The following SYCE2 variants were observed in gnomAD, a reference collection of about 807,000 sequenced individuals.
The protein encoded by SYCE2 is central element synaptonemal complex 1.
Under a neutral mutation model 27.9 loss-of-function variants are expected in SYCE2, and 3 were observed. The ratio of observed to expected loss-of-function variants is 0.11; its 90% CI spans 0.05 to 0.28. SYCE2 has a LOEUF of 0.28. Among genes scored for constraint, SYCE2 ranks in the 10% least tolerant of loss-of-function variants. The probability of loss-of-function intolerance (pLI) is 1.00; values close to 1 mark genes in which losing one functional copy is unlikely to be tolerated. For missense variants in SYCE2, 207 were observed against 263.5 expected, an observed-to-expected ratio of 0.79 and a Z score of 1.48; for synonymous variants, 85 against 100.7, an observed-to-expected ratio of 0.84 and a Z score of 0.93.
Position 12,904,580 on chromosome 19 carries a change from C to T in SYCE2, c.218G>A (p.Arg73Lys). The T allele has an allele frequency of 6.2e-7, 1 of 1,614,084 alleles. No individual in the cohort carries two copies. The highest frequency in any genetic ancestry group is 8.5e-7 in the Non-Finnish European group (1 of 1,180,028). ...LDSSIDILQK[R>K]AQELIENINK... is the part of the protein sequence containing the mutation. ...GATGTTTTCGATCAGCTCCTGGGCT[C>T]TCTTCTGCAGGATGTCAATGCTTGA... Residue 73 changes from arginine (R) to lysine (K), a missense_variant, in exon 3 of 6, where the codon AGA (arginine) becomes AAA (lysine). By Grantham distance (26) the Arg-to-Lys change is conservative. Transcript: ENST00000293695.
chr19:12,911,636 T>TTA (rs1555754622), intron 2 of SYCE2, among the ~76,000 whole-genome samples: 1 of 148,710 alleles, frequency 6.7e-6, no homozygotes, highest in Non-Finnish European at 1.5e-5. Context: ...TTTTTTTTTT[T>TTA]AGACGAGGTC....
At chr19:12,908,059 C>T (rs148083290) in intron 2 of SYCE2, among the ~76,000 whole-genome samples, 32 of 151,888 alleles carry the variant, frequency 2.1e-4, no homozygotes, top group Non-Finnish European at 2.9e-4. Flanking sequence ...CTGCAGTAAG[C>T]TTGATCATGC....
intron 2 of SYCE2, 55 bp downstream of exon 2, chr19:12,918,167 G>C: frequency 6.9e-7 from 1 of 1,442,194 alleles, no homozygotes; most frequent in Non-Finnish European, 9.8e-7. Context: ...AGAAAAGGGT[G>C]AATGAGAGGG....
chr19:12,909,919 T>G (rs772131884), intron 2 of SYCE2, among the ~76,000 whole-genome samples: 1 of 151,688 alleles, frequency 6.6e-6, no homozygotes, highest in Non-Finnish European at 1.5e-5. Flanking sequence ...CAAGCTAGAG[T>G]GCAGTGGAGC....
intron 2 of SYCE2, among the ~76,000 whole-genome samples, chr19:12,916,324 C>T (rs2145983121): frequency 6.6e-6 from 1 of 152,224 alleles, no homozygotes; most frequent in South Asian, 2.1e-4. Flanking sequence ...CTGCCTCGGC[C>T]TCCCAAAGTC....
In SYCE2 at chr19:12,899,993, C is replaced by G. The variant is rs1970801398; in HGVS notation, c.612+11G>C. On this transcript the variant is annotated intron_variant, in intron 5 of 5. Coordinates refer to ENST00000293695, the MANE Select transcript of SYCE2 (RefSeq NM_001105578.2). ...GACCCCAAGGTGTCAGGCCGGTTTA[C>G]TGGTAACCACCTGAGAAGTAGTTTC... The G allele has an allele frequency of 1.9e-6, 3 of 1,612,482 alleles. No individual in the cohort carries two copies. Among genetic ancestry groups the G allele is most frequent in the Non-Finnish European group, 1.7e-6 (2 of 1,179,698 alleles).
intron 3 of SYCE2, among the ~76,000 whole-genome samples, chr19:12,903,501 C>CT (rs1286312893): frequency 1.3e-5 from 2 of 151,690 alleles, no homozygotes; most frequent in Non-Finnish European, 2.9e-5. Flanking sequence ...GCAATTCTGT[C>CT]TCATCCTCCC....
intron 2 of SYCE2, among the ~76,000 whole-genome samples, chr19:12,917,904 C>A (rs1043586579): frequency 1.3e-5 from 2 of 152,048 alleles, no homozygotes; most frequent in Admixed American, 1.3e-4. Flanking sequence ...GGTGATCCAC[C>A]CGCCTTGGCC....
chr19:12,918,087 G>A (rs1270139163), intron 2 of SYCE2, 135 bp downstream of exon 2: 13 of 685,132 alleles, frequency 1.9e-5, no homozygotes, highest in African/African-American at 3.6e-5. Context: ...ATGCCACTGC[G>A]TGGTGACAAA....
chr19:12,913,143 G>A (rs902673222), intron 2 of SYCE2, among the ~76,000 whole-genome samples: 5 of 152,244 alleles, frequency 3.3e-5, no homozygotes, highest in African/African-American at 1.2e-4. Context: ...GGATTGGGCA[G>A]CGGGCTGGGG....
Position 12,900,746 on chromosome 19 carries a change from T to C in SYCE2, c.307-98A>G, listed in dbSNP as rs946801534. 21 of 1,215,376 alleles carry C rather than the reference T, an allele frequency of 1.7e-5. No homozygotes were observed. In the East Asian group the frequency reaches 4.5e-4, roughly 26 times the overall value. The allele number at this position is 1,215,376 out of a possible 1,614,324, so 75.3% of individuals were successfully genotyped here. A position where few individuals can be genotyped will look rare whatever the true frequency, so the allele number is the denominator to read the frequency against. The stretch of plus-strand genomic sequence containing the variant: ...TCTTAGATTTCTGCAATTTATCTTA[T>C]GAAAATGACAAAATAGGCTGGGCAC... On this transcript the variant is annotated intron_variant, in intron 3 of 5. Coordinates refer to ENST00000293695, the MANE Select transcript of SYCE2 (RefSeq NM_001105578.2).
At chr19:12,904,402 C>T (rs1970896033) in intron 3 of SYCE2, 90 bp downstream of exon 3, 16 of 1,509,094 alleles carry the variant, frequency 1.1e-5, no homozygotes, top group South Asian at 3.6e-5. Flanking sequence ...GGCCTAGCAC[C>T]GTGCCTGGTG....
At chr19:12,910,416 C>T (rs1223644806) in intron 2 of SYCE2, among the ~76,000 whole-genome samples, 3 of 151,668 alleles carry the variant, frequency 2.0e-5, no homozygotes, top group African/African-American at 7.3e-5. Flanking sequence ...GCTGGAGTGT[C>T]GCTCAGGCTG....
intron 3 of SYCE2, among the ~76,000 whole-genome samples, chr19:12,901,168 C>CT (rs1970828731): frequency 6.5e-5 from 7 of 106,912 alleles, no homozygotes; most frequent in Admixed American, 2.0e-4. Flanking sequence ...GACTCCATCT[C>CT]AAAATAAATA....
intron 3 of SYCE2, 115 bp downstream of exon 3, chr19:12,904,377 G>A (rs1215642943): frequency 1.6e-6 from 2 of 1,254,838 alleles, no homozygotes; most frequent in Non-Finnish European, 2.3e-6. Context: ...AGGAGCTCCT[G>A]TGCTGTGTGT....
chr19:12,918,963 A>AG (rs59450114), intron 1 of SYCE2, among the ~76,000 whole-genome samples: 94,124 of 148,696 alleles, frequency 0.63, 30,125 homozygotes, highest in East Asian at 0.84. Flanking sequence ...AAAAAAAAAA[A>AG]AAAAGAAATG....
At position 12,900,479 on chromosome 19, in the gene SYCE2, T is replaced by C. The variant is rs770808043; in HGVS notation, c.476A>G (p.Asp159Gly). The C allele has an allele frequency of 2.5e-5, 41 of 1,613,582 alleles. No individual in the cohort carries two copies. Among genetic ancestry groups the C allele is most frequent in the Non-Finnish European group, 3.4e-5 (40 of 1,179,994 alleles). Residue 159 changes from aspartate (D) to glycine (G), a missense_variant, in exon 4 of 6, where the codon GAC (aspartate) becomes GGC (glycine). By Grantham distance (94) the Asp-to-Gly change is moderately conservative. Coordinates refer to ENST00000293695, the MANE Select transcript of SYCE2 (RefSeq NM_001105578.2). ...TCATACCTCAGGCTGGAGACACAGGTCTTTGTACACAGTCTCCACGCTGTG... is the reference window on the plus strand; with the variant it reads ...TCATACCTCAGGCTGGAGACACAGGCCTTTGTACACAGTCTCCACGCTGTG... ...VCHSVETVYK[D>G]LCLQPEQSLR...
intron 5 of SYCE2, chr19:12,899,801 G>A (rs1970793599): frequency 1.3e-6 from 2 of 1,586,782 alleles, no homozygotes; most frequent in East Asian, 4.5e-5. Context: ...CCCTGAAATA[G>A]CAGCTTCTCT....
intron 2 of SYCE2, among the ~76,000 whole-genome samples, chr19:12,917,662 T>TTC: frequency 7.3e-6 from 1 of 137,170 alleles, no homozygotes; most frequent in Non-Finnish European, 1.6e-5. Context: ...TTCCTGGCTT[T>TTC]TTTTTTTTTT....
Sources: gnomAD v4.1 joint callset for allele counts (sites outside exome capture counted in the v4.1 genomes callset) on GRCh38, gnomAD v4.1.1 for gene constraint, MANE v1.5 for transcripts, NCBI Gene and HGNC (gene_info 2026-07-23, HGNC 2026-07-21) for gene names.